Variants in LTV1 observed in about 807,000 individuals in gnomAD.
LTV1 encodes the protein LTV1 ribosome biogenesis factor.
LTV1 carries 39 observed loss-of-function variants against 59.9 expected under a neutral mutation model. The observed-to-expected ratio is 0.65, with a 90% CI of 0.50 to 0.85. The LOEUF is 0.85. Ranked by LOEUF, LTV1 falls within the 40% of genes least tolerant of loss-of-function variation. The pLI, the probability that LTV1 is intolerant of heterozygous loss-of-function variation, is 0.00. For synonymous variants in LTV1, 171 were observed against 189.5 expected, an observed-to-expected ratio of 0.90 and a Z score of 0.80; for missense variants, 493 against 549.1, an observed-to-expected ratio of 0.90 and a Z score of 1.02.
rs1163036515 is a variant in LTV1 at position 143,855,077 on chromosome 6, G to A, written c.398-2226G>A. ...AGTCTCCCATTATTATTGTGTGGGAGTCTAAGTCTCTTTGTAGGTCTCTTA... is the reference window on the plus strand; with the variant it reads ...AGTCTCCCATTATTATTGTGTGGGAATCTAAGTCTCTTTGTAGGTCTCTTA... On this transcript the variant is annotated intron_variant, in intron 4 of 10. Coordinates refer to ENST00000367576, the MANE Select transcript of LTV1 (RefSeq NM_032860.5). The surrounding 1 kb of genome is among the most constrained non-coding windows in gnomAD (Gnocchi z 4.6). Among the ~76,000 whole-genome samples, 5 of 152,124 alleles carry A rather than the reference G, an allele frequency of 3.3e-5. No individual in the cohort carries two copies. The highest frequency in any genetic ancestry group is 1.3e-4 in the Admixed American group (2 of 15,272).
At chr6:143,848,619 G>A (rs747465723) in intron 3 of LTV1, among the ~76,000 whole-genome samples, 11 of 152,154 alleles carry the variant, frequency 7.2e-5, no homozygotes, top group Non-Finnish European at 1.3e-4. Flanking sequence ...AACACATGGC[G>A]GTTGTCCTCA....
intron 1 of LTV1, among the ~76,000 whole-genome samples, chr6:143,843,814 G>A (rs1037379375): frequency 1.3e-5 from 2 of 152,246 alleles, no homozygotes; most frequent in Non-Finnish European, 2.9e-5. Context: ...GGGTCGAGCA[G>A]AGGGAGCTGC....
Position 143,863,165 on chromosome 6 carries a change from C to T in LTV1, c.1196C>T (p.Thr399Ile), listed in dbSNP as rs199712269. 124 of 1,613,808 alleles carry T rather than the reference C, an allele frequency of 7.7e-5. No homozygotes were observed. The highest frequency in any genetic ancestry group is 9.6e-5 in the Non-Finnish European group (113 of 1,179,882). The change falls in exon 10 of 11, where the codon ACT becomes ATT. Residue 399 changes from threonine (T) to isoleucine (I), a missense_variant. Coordinates refer to ENST00000367576, the MANE Select transcript of LTV1 (RefSeq NM_032860.5). The surrounding 1 kb of genome is among the most constrained non-coding windows in gnomAD (Gnocchi z 4.5). ...LPKKGLTAKQ[T>I]ERIQMINGSD... ...AAGAAAGGACTCACAGCAAAGCAAA[C>T]TGAAAGAATACAGATGATTAATGGC...
rs1463411869 is a variant in LTV1 at position 143,843,369 on chromosome 6, G to T, written c.-109G>T. On this transcript the variant is annotated 5_prime_UTR_variant, in exon 1 of 11. Transcript: ENST00000367576. ...TTATCGCCGGGTCCTGGGGCTGCAC[G>T]TGTGGTGAGGCCTACAGAAGCGGCC... The T allele has an allele frequency of 1.5e-6, 2 of 1,337,606 alleles. No homozygotes were observed. Among genetic ancestry groups the T allele is most frequent in the Non-Finnish European group, 1.1e-6 (1 of 936,660 alleles). 82.9% of individuals were successfully genotyped at this position (1,337,606 alleles called of 1,614,324 possible). A position where few individuals can be genotyped will look rare whatever the true frequency, so the allele number is the denominator to read the frequency against.
chr6:143,848,938 T>C (rs1776940185), intron 3 of LTV1, among the ~76,000 whole-genome samples: 1 of 152,182 alleles, frequency 6.6e-6, no homozygotes, highest in East Asian at 1.9e-4. Flanking sequence ...ATTACATGAC[T>C]GAGGAATGAA....
In LTV1 at chr6:143,857,990, G is replaced by A; in HGVS notation, c.778G>A (p.Asp260Asn). Reference protein sequence around the residue: ...MRRNEQLTLHDERFEKFYEQY... With the variant: ...MRRNEQLTLHNERFEKFYEQY... ...GAGAAATGAACAGCTGACCCTACAT[G>A]ATGAGAGGTTTGAGAAGGTAAGGTC... is the stretch of plus-strand genomic sequence containing the variant. Residue 260 changes from aspartate (D) to asparagine (N), a missense_variant, in exon 6 of 11, where the codon GAT becomes AAT. Asp to Asn is a conservative substitution (Grantham distance 23). Coordinates refer to ENST00000367576, the MANE Select transcript of LTV1 (RefSeq NM_032860.5). The surrounding 1 kb of genome is among the most constrained non-coding windows in gnomAD (Gnocchi z 5.2). 4 of 1,614,032 alleles carry A rather than the reference G, an allele frequency of 2.5e-6. No homozygotes were observed. Among genetic ancestry groups the A allele is most frequent in the Non-Finnish European group, 3.4e-6 (4 of 1,179,988 alleles).
Position 143,855,562 on chromosome 6 carries a change from G to A in LTV1, c.398-1741G>A, listed in dbSNP as rs187371801. Among the ~76,000 whole-genome samples, 6 of 152,130 alleles carry A rather than the reference G, an allele frequency of 3.9e-5. No homozygotes were observed. Among genetic ancestry groups the A allele is most frequent in the Middle Eastern group, 3.2e-3 (1 of 316 alleles). ...ATCGATGGTCTTTACTGTTTGGTACGTTTTGCAGTGGCTGGTACCAGTTTT... is the reference window on the plus strand; with the variant it reads ...ATCGATGGTCTTTACTGTTTGGTACATTTTGCAGTGGCTGGTACCAGTTTT... On this transcript the variant is annotated intron_variant, in intron 4 of 10. Coordinates refer to ENST00000367576, the MANE Select transcript of LTV1 (RefSeq NM_032860.5). This position sits in a 1 kb window ranked among gnomAD's most constrained non-coding sequence, Gnocchi z 4.6.
chr6:143,848,923 G>A (rs1582935414), intron 3 of LTV1, among the ~76,000 whole-genome samples: 2 of 152,150 alleles, frequency 1.3e-5, no homozygotes, highest in Non-Finnish European at 1.5e-5. Context: ...AAAGTGTTTT[G>A]CATTATTACA....
chr6:143,849,056 T>A (rs1292332412), intron 3 of LTV1, among the ~76,000 whole-genome samples: 1 of 152,216 alleles, frequency 6.6e-6, no homozygotes, highest in Admixed American at 6.5e-5. Context: ...AGTGAAAAAT[T>A]GAGACCTGTC....
chr6:143,848,735 G>A (rs762821765), intron 3 of LTV1, among the ~76,000 whole-genome samples: 2 of 152,140 alleles, frequency 1.3e-5, no homozygotes, highest in Non-Finnish European at 2.9e-5. Context: ...TGAAGAAGGC[G>A]GGAAGTTCAC....
At chr6:143,845,658 A>T (rs1776878380) in intron 2 of LTV1, among the ~76,000 whole-genome samples, 1 of 152,254 alleles carries the variant, frequency 6.6e-6, no homozygotes, top group Non-Finnish European at 1.5e-5. Context: ...GATTATAGGC[A>T]TGAGCCACTG....
intron 6 of LTV1, 83 bp from the exon 7 acceptor site, chr6:143,860,343 G>A: frequency 8.2e-7 from 1 of 1,220,480 alleles, no homozygotes; most frequent in Non-Finnish European, 1.1e-6. Flanking sequence ...TAAGAATAAA[G>A]TTAATGTAAA....
At chr6:143,844,379 A>T in intron 1 of LTV1, 107 bp from the exon 2 acceptor site, 5 of 1,252,206 alleles carry the variant, frequency 4.0e-6, no homozygotes, top group Non-Finnish European at 5.6e-6. Flanking sequence ...TAGATTTTTA[A>T]AAAGTATCTT....
At chr6:143,860,393 T>TTG in intron 6 of LTV1, 33 bp from the exon 7 acceptor site, 1 of 1,604,606 alleles carries the variant, frequency 6.2e-7, no homozygotes, top group Admixed American at 1.7e-5. Context: ...TACATTTGCT[T>TTG]TTCATGGTAT....
chr6:143,863,212 A>G lies in LTV1; in HGVS notation c.1243A>G (p.Thr415Ala), dbSNP rs1777202348. The G allele has an allele frequency of 1.9e-6, 3 of 1,613,954 alleles. No individual in the cohort carries two copies. The South Asian group carries it at 3.3e-5, about 18-fold the overall frequency. ...TGGCAGTGATCTTCCTAAAGTATCA[A>G]CTCAGCCACGTTCTAAAAATGAAAG... ...INGSDLPKVS[T>A]QPRSKNESKE... The change falls in exon 10 of 11, where the codon ACT becomes GCT. Residue 415 changes from threonine (T) to alanine (A), a missense_variant. By Grantham distance (58) the Thr-to-Ala change is moderately conservative. Coordinates refer to ENST00000367576, the MANE Select transcript of LTV1 (RefSeq NM_032860.5). The surrounding 1 kb of genome is among the most constrained non-coding windows in gnomAD (Gnocchi z 4.5).
At chr6:143,851,807 A>C (rs1303619601) in intron 4 of LTV1, among the ~76,000 whole-genome samples, 3 of 151,842 alleles carry the variant, frequency 2.0e-5, no homozygotes, top group African/African-American at 4.8e-5. Context: ...CCCACTTATG[A>C]GTGAGAACAT....
At chr6:143,848,467 C>T (rs1461885995) in intron 3 of LTV1, among the ~76,000 whole-genome samples, 2 of 152,114 alleles carry the variant, frequency 1.3e-5, no homozygotes, top group African/African-American at 2.4e-5. Context: ...GTGTACACTG[C>T]CATATGTAGC....
At position 143,863,292 on chromosome 6, in the gene LTV1, A is replaced by G; in HGVS notation, c.1317+6A>G. On this transcript the variant is annotated splice_donor_region_variant and intron_variant, in intron 10 of 10. Transcript: ENST00000367576. The surrounding 1 kb of genome is among the most constrained non-coding windows in gnomAD (Gnocchi z 4.5). ...CTATAAAAGAAGAGCGCAAGGTAAA[A>G]TATATTTTTCAAATGTGAGATTTAC... The G allele has an allele frequency of 6.2e-7, 1 of 1,611,246 alleles. No individual in the cohort carries two copies.
chr6:143,862,171 T>A lies in LTV1; in HGVS notation c.991T>A (p.Ser331Thr). The A allele has an allele frequency of 6.2e-7, 1 of 1,613,806 alleles. No homozygotes were observed. The highest frequency in any genetic ancestry group is 1.7e-5 in the Admixed American group (1 of 59,994). Residue 331 changes from serine (S) to threonine (T), a missense_variant, in exon 8 of 11, where the codon TCT (serine) becomes ACT (threonine). Transcript: ENST00000367576. The surrounding 1 kb of genome is among the most constrained non-coding windows in gnomAD (Gnocchi z 4.2). ...CCTGCCAATGAATGAGCTTGATGAG[T>A]CTGAGGAGGAAGAAATGATTACTGT... ...QDLPMNELDESEEEEMITVVL... is the reference protein window; with the variant it reads ...QDLPMNELDETEEEEMITVVL...
Sources: gnomAD v4.1 joint callset for allele counts (sites outside exome capture counted in the v4.1 genomes callset) on GRCh38, gnomAD v4.1.1 for gene constraint, Gnocchi (gnomAD v3.1) non-coding constraint, MANE v1.5 for transcripts, NCBI Gene and HGNC (gene_info 2026-07-23, HGNC 2026-07-21) for gene names.